ACVR1: variants seen among roughly 807,000 people sequenced by gnomAD.
ACVR1 encodes the protein activin receptor type-1.
In ACVR1, 38 loss-of-function variants were observed where a neutral mutation model predicts 57.1. The ratio of observed to expected loss-of-function variants is 0.67; its 90% CI spans 0.51 to 0.87. The LOEUF is 0.87. Among genes scored for constraint, ACVR1 ranks in the 40% least tolerant of loss-of-function variants. The pLI is 0.00. For missense variants in ACVR1, 463 were observed against 638.2 expected, an observed-to-expected ratio of 0.73 and a Z score of 2.96; for synonymous variants, 212 against 228.1, an observed-to-expected ratio of 0.93 and a Z score of 0.63.
At chr2:157,801,922 T>C (rs1394835619) in intron 2 of ACVR1, among the ~76,000 whole-genome samples, 1 of 152,192 alleles carries the variant, frequency 6.6e-6, no homozygotes, top group East Asian at 1.9e-4. Flanking sequence ...ACCTACTATG[T>C]GCTACATATT....
intron 1 of ACVR1, among the ~76,000 whole-genome samples, chr2:157,849,253 C>T (rs1689220001): frequency 6.6e-6 from 1 of 152,134 alleles, no homozygotes; most frequent in Non-Finnish European, 1.5e-5. Flanking sequence ...AATTTCTGTA[C>T]CTATCACATT....
intron 7 of ACVR1, among the ~76,000 whole-genome samples, chr2:157,766,883 G>A (rs1439150486): frequency 6.6e-6 from 1 of 152,088 alleles, no homozygotes; most frequent in African/African-American, 2.4e-5. Flanking sequence ...TATCTTCAAA[G>A]GGCAACATGA....
At chr2:157,861,515 A>G (rs1217893135) in intron 1 of ACVR1, among the ~76,000 whole-genome samples, 1 of 152,244 alleles carries the variant, frequency 6.6e-6, no homozygotes, top group Non-Finnish European at 1.5e-5. Flanking sequence ...CTATATAAAA[A>G]TAAAATAAAA....
chr2:157,851,912 A>ACCC (rs1559094092), intron 1 of ACVR1, among the ~76,000 whole-genome samples: 253 of 16,226 alleles, frequency 0.016, 9 homozygotes, highest in African/African-American at 0.049. Flanking sequence ...CACACACACC[A>ACCC]CCCCCACCCC....
intron 7 of ACVR1, 122 bp from the exon 8 acceptor site, chr2:157,766,318 T>C (rs1685859070): frequency 4.0e-6 from 4 of 1,005,030 alleles, no homozygotes; most frequent in African/African-American, 3.2e-5. Flanking sequence ...AACTGACCAA[T>C]TGCCCTAAGA....
chr2:157,836,076 A>G (rs1401060436), intron 1 of ACVR1, among the ~76,000 whole-genome samples: 1 of 152,254 alleles, frequency 6.6e-6, no homozygotes, highest in Non-Finnish European at 1.5e-5. Context: ...CCTGACATTT[A>G]GAAAAAGACA....
chr2:157,828,524 G>A (rs964878424), intron 1 of ACVR1, among the ~76,000 whole-genome samples: 2 of 151,748 alleles, frequency 1.3e-5, no homozygotes, highest in African/African-American at 4.8e-5. Context: ...AGGAAGCTGA[G>A]GCAGGAGGCT....
intron 1 of ACVR1, among the ~76,000 whole-genome samples, chr2:157,870,075 G>A (rs559136563): frequency 1.3e-4 from 20 of 152,226 alleles, no homozygotes; most frequent in Non-Finnish European, 2.6e-4. Context: ...TGGAAGTTTC[G>A]GAACTTGGTT....
At chr2:157,864,098 G>C in intron 1 of ACVR1, among the ~76,000 whole-genome samples, 1 of 151,954 alleles carries the variant, frequency 6.6e-6, no homozygotes, top group East Asian at 1.9e-4. Flanking sequence ...TCCTGACCTC[G>C]TGATCTGCCT....
At chr2:157,826,732 A>G (rs1478210954) in intron 1 of ACVR1, 1 of 87,954 alleles carries the variant, frequency 1.1e-5, no homozygotes, top group Non-Finnish European at 2.2e-5. Context: ...AAAGGAAAGG[A>G]AAGGAAAGGA....
chr2:157,783,527 C>T (rs894369510), intron 3 of ACVR1, among the ~76,000 whole-genome samples: 4 of 152,184 alleles, frequency 2.6e-5, no homozygotes, highest in Admixed American at 6.5e-5. Flanking sequence ...TCTTTATATA[C>T]TTCCTGTAGT....
intron 9 of ACVR1, among the ~76,000 whole-genome samples, chr2:157,740,507 A>C (rs1684710984): frequency 6.6e-6 from 1 of 152,248 alleles, no homozygotes; most frequent in Non-Finnish European, 1.5e-5. Context: ...GAAAACAGTA[A>C]GACACGTGCC....
intron 6 of ACVR1, among the ~76,000 whole-genome samples, chr2:157,773,161 C>T (rs1686136566): frequency 2.6e-5 from 4 of 152,116 alleles, no homozygotes; most frequent in Admixed American, 2.6e-4. Flanking sequence ...TGCAGCCATC[C>T]CTGCAAGCCG....
chr2:157,796,394 A>G lies in ACVR1; in HGVS notation c.67+3033T>C, dbSNP rs116682380. Among the ~76,000 whole-genome samples the G allele has an allele frequency of 4.2e-3, 635 of 151,894 alleles. 6 individuals carry two copies. The highest frequency in any genetic ancestry group is 0.015 in the African/African-American group (606 of 41,410). ...CGGCAAAACTCTGTCTCTACTAAAA[A>G]TGCAAAACAATTAGCTAGTTGTGGT... On this transcript the variant is annotated intron_variant, in intron 3 of 10. Coordinates refer to ENST00000434821, the MANE Select transcript of ACVR1 (RefSeq NM_001111067.4).
intron 3 of ACVR1, among the ~76,000 whole-genome samples, chr2:157,796,526 C>A (rs1436131708): frequency 6.6e-6 from 1 of 152,074 alleles, no homozygotes; most frequent in African/African-American, 2.4e-5. Flanking sequence ...TGCACCCCAA[C>A]CTGGGTGAAA....
intron 3 of ACVR1, among the ~76,000 whole-genome samples, chr2:157,787,026 A>C (rs1686736269): frequency 6.6e-6 from 1 of 151,946 alleles, no homozygotes; most frequent in Non-Finnish European, 1.5e-5. Context: ...GAACTGCTGA[A>C]GCTGAGAAAA....
intron 2 of ACVR1, 68 bp from the exon 3 acceptor site, chr2:157,799,568 T>C: frequency 8.0e-7 from 1 of 1,252,366 alleles, no homozygotes; most frequent in Non-Finnish European, 1.2e-6. Context: ...AAATTAAGCA[T>C]ACCACCTTCA....
At chr2:157,852,451 C>T (rs1299945133) in intron 1 of ACVR1, among the ~76,000 whole-genome samples, 1 of 143,870 alleles carries the variant, frequency 7.0e-6, no homozygotes, top group African/African-American at 2.6e-5. Context: ...GAACAGAGGT[C>T]ATGCCACTGT....
chr2:157,841,005 G>C (rs1274379059), intron 1 of ACVR1, among the ~76,000 whole-genome samples: 1 of 152,216 alleles, frequency 6.6e-6, no homozygotes, highest in Admixed American at 6.5e-5. Context: ...CACAATTCCT[G>C]TTCCCCTGGT....
Sources: gnomAD v4.1 joint callset for allele counts (sites outside exome capture counted in the v4.1 genomes callset) on GRCh38, gnomAD v4.1.1 for gene constraint, MANE v1.5 for transcripts, NCBI Gene and HGNC (gene_info 2026-07-23, HGNC 2026-07-21) for gene names.